Variants in USP48 observed in about 807,000 individuals in gnomAD.
USP48 encodes ubiquitin carboxyl-terminal hydrolase 48.
In USP48, 43 loss-of-function variants were observed where a neutral mutation model predicts 150.7. The ratio of observed to expected loss-of-function variants is 0.29; its 90% CI spans 0.22 to 0.37. The LOEUF is 0.37. USP48 is among the 10% of genes least tolerant of loss of function. The pLI, the probability that USP48 is intolerant of heterozygous loss-of-function variation, is 1.00. For synonymous variants in USP48, 396 were observed against 425.9 expected, an observed-to-expected ratio of 0.93 and a Z score of 0.86; for missense variants, 813 against 1,249.6, an observed-to-expected ratio of 0.65 and a Z score of 5.27.
intron 1 of USP48, among the ~76,000 whole-genome samples, chr1:21,770,649 T>A (rs2097877149): frequency 1.3e-5 from 2 of 151,460 alleles, no homozygotes; most frequent in African/African-American, 4.8e-5. Context: ...CTCGGCTAAT[T>A]TTTTGTATTT....
At chr1:21,756,452 G>A in intron 3 of USP48, 94 bp downstream of exon 3, 1 of 1,404,866 alleles carries the variant, frequency 7.1e-7, no homozygotes, top group Non-Finnish European at 9.5e-7. Context: ...CTTCACTCTG[G>A]CTTGGGAAAC....
rs546819189 is a variant in USP48, at chr1:21,678,575, T to C, written c.*842A>G. ...AAACCTTGTGTTATCCAAATGTACTTCAGTCTGATTTACTCTTCTGATAGG... is the reference window on the plus strand; with the variant it reads ...AAACCTTGTGTTATCCAAATGTACTCCAGTCTGATTTACTCTTCTGATAGG... On this transcript the variant is annotated 3_prime_UTR_variant, in exon 27 of 27. Transcript: ENST00000308271. 6.6e-6 allele frequency: 1 copy of C among 152,328 alleles called. No homozygotes were observed. Among genetic ancestry groups the C allele is most frequent in the East Asian group, 1.9e-4 (1 of 5,180 alleles). 9.4% of individuals were successfully genotyped at this position (152,328 alleles called of 1,614,324 possible).
chr1:21,745,385 T>C (rs933101328), intron 8 of USP48, among the ~76,000 whole-genome samples: 2 of 151,654 alleles, frequency 1.3e-5, no homozygotes, highest in Non-Finnish European at 2.9e-5. Flanking sequence ...AGTAGGAGGA[T>C]CACTAGAGCC....
chr1:21,713,889 A>T (rs2097697148), intron 15 of USP48, among the ~76,000 whole-genome samples: 1 of 152,144 alleles, frequency 6.6e-6, no homozygotes, highest in Non-Finnish European at 1.5e-5. Flanking sequence ...GGAACTTGGG[A>T]CTCACAGAGA....
chr1:21,765,645 T>C (rs2097859959), intron 1 of USP48, among the ~76,000 whole-genome samples: 1 of 150,436 alleles, frequency 6.6e-6, no homozygotes, highest in Non-Finnish European at 1.5e-5. Context: ...AGCCCGAAGC[T>C]GAACAAGGCA....
intron 9 of USP48, chr1:21,732,608 C>T: frequency 4.4e-6 from 1 of 229,372 alleles, no homozygotes; most frequent in Non-Finnish European, 9.1e-6. Flanking sequence ...AAAAACAGCA[C>T]TCTATCCAGA....
chr1:21,756,696 A>G lies in USP48; in HGVS notation c.262T>C (p.Phe88Leu). Residue 88 changes from phenylalanine (F) to leucine (L), a missense_variant, in exon 3 of 27, where the codon TTT (phenylalanine) becomes CTT (leucine). By Grantham distance (22) the Phe-to-Leu change is conservative. Coordinates refer to ENST00000308271, the MANE Select transcript of USP48 (RefSeq NM_032236.8). Reference sequence around the variant, plus strand: ...GCTCCAAGGTTAGTCAGGCCCACAAATGAGTTCTACAAAAATACAAAATTC... The same window carrying G: ...GCTCCAAGGTTAGTCAGGCCCACAAGTGAGTTCTACAAAAATACAAAATTC... ...PNCERRKKNS[F>L]VGLTNLGATC... 1 of 1,613,508 alleles carries G rather than the reference A, an allele frequency of 6.2e-7. No homozygotes were observed. Among genetic ancestry groups the G allele is most frequent in the Non-Finnish European group, 8.5e-7 (1 of 1,179,816 alleles).
chr1:21,708,901 AAG>A (rs747787432), intron 15 of USP48, among the ~76,000 whole-genome samples: 2 of 59,820 alleles, frequency 3.3e-5, no homozygotes. Flanking sequence ...AAAAAAAAAA[AAG>A]AAAGAAAAGA....
chr1:21,762,094 C>T (rs2097851323), intron 1 of USP48, among the ~76,000 whole-genome samples: 2 of 152,134 alleles, frequency 1.3e-5, no homozygotes, highest in South Asian at 2.1e-4. Context: ...TGGCAAAACC[C>T]CGTCTCTACT....
At chr1:21,767,640 C>CTTT (rs765475508) in intron 1 of USP48, among the ~76,000 whole-genome samples, 1 of 143,930 alleles carries the variant, frequency 6.9e-6, no homozygotes. Context: ...TTTTAGAGAG[C>CTTT]TTTTTTTTTT....
At chr1:21,774,180 AAATAATAATAATAATAAT>A (rs57694769) in intron 1 of USP48, among the ~76,000 whole-genome samples, 9 of 141,168 alleles carry the variant, frequency 6.4e-5, no homozygotes, top group East Asian at 2.0e-4. Flanking sequence ...CTCCGTCTCA[AAATAATAATAATAATAAT>A]AATAATAATA....
At chr1:21,776,195 C>T (rs1180969653) in intron 1 of USP48, among the ~76,000 whole-genome samples, 1 of 152,096 alleles carries the variant, frequency 6.6e-6, no homozygotes, top group Non-Finnish European at 1.5e-5. Flanking sequence ...CAAGTCTGCC[C>T]TCAAGACACA....
intron 9 of USP48, among the ~76,000 whole-genome samples, chr1:21,733,971 C>A (rs1435392977): frequency 6.6e-6 from 1 of 151,996 alleles, no homozygotes; most frequent in Non-Finnish European, 1.5e-5. Context: ...AATGTGCTAT[C>A]TCAATTTTGT....
Position 21,703,717 on chromosome 1 carries a change from T to G in USP48, c.2516-99A>C, listed in dbSNP as rs2097664124. 8 of 909,570 alleles carry G rather than the reference T, an allele frequency of 8.8e-6. No individual in the cohort carries two copies. The South Asian group carries it at 1.0e-4, about 12-fold the overall frequency. The allele number at this position is 909,570 out of a possible 1,614,324, so 56.3% of individuals were successfully genotyped here. A position where few individuals can be genotyped will look rare whatever the true frequency, so the allele number is the denominator to read the frequency against. ...CATATGTCAAAGTTACTAGTGAATA[T>G]TCATTAAACTCTTAGTAACATTTTC... is the stretch of plus-strand genomic sequence containing the variant. On this transcript the variant is annotated intron_variant, in intron 20 of 26. Coordinates refer to ENST00000308271, the MANE Select transcript of USP48 (RefSeq NM_032236.8).
chr1:21,705,263 G>C (rs2097668916), intron 19 of USP48, among the ~76,000 whole-genome samples: 1 of 152,110 alleles, frequency 6.6e-6, no homozygotes, highest in Non-Finnish European at 1.5e-5. Flanking sequence ...AACACCTCTG[G>C]AAGTACTTGA....
chr1:21,697,389 C>T (rs1396649367), intron 22 of USP48, among the ~76,000 whole-genome samples: 4 of 151,826 alleles, frequency 2.6e-5, no homozygotes, highest in East Asian at 1.9e-4. Flanking sequence ...TCAGGCCAGG[C>T]GTGGTGGCTC....
intron 1 of USP48, among the ~76,000 whole-genome samples, chr1:21,774,290 G>T (rs1311213937): frequency 6.6e-6 from 1 of 151,806 alleles, no homozygotes; most frequent in Non-Finnish European, 1.5e-5. Flanking sequence ...CACAAAATTT[G>T]TAACTGTGAG....
In USP48 at chr1:21,690,003, C is replaced by T. The variant is rs557205963; in HGVS notation, c.2980G>A (p.Val994Ile). 85 of 1,614,000 alleles carry T rather than the reference C, an allele frequency of 5.3e-5. 1 individual carries two copies. In the South Asian group the frequency reaches 5.3e-4, roughly 10 times the overall value. The change falls in exon 24 of 27, where the codon GTC (valine) becomes ATC (isoleucine). Residue 994 changes from valine (V) to isoleucine (I), a missense_variant. Coordinates refer to ENST00000308271, the MANE Select transcript of USP48 (RefSeq NM_032236.8). ...DDCATLGTLG[V>I]IPESVILLKA... ...AATAAAATGACAGATTCAGGAATGA[C>T]GCCAAGGGTGCCTAGGGTGGCACAG...
chr1:21,763,040 T>G (rs1272215817), intron 1 of USP48, among the ~76,000 whole-genome samples: 1 of 152,126 alleles, frequency 6.6e-6, no homozygotes, highest in Non-Finnish European at 1.5e-5. Flanking sequence ...AGGCTCTCCC[T>G]GTCCCCACCC....
Sources: gnomAD v4.1 joint callset for allele counts (sites outside exome capture counted in the v4.1 genomes callset) on GRCh38, gnomAD v4.1.1 for gene constraint, MANE v1.5 for transcripts, NCBI Gene and HGNC (gene_info 2026-07-23, HGNC 2026-07-21) for gene names.